WDR64: variants seen among roughly 807,000 people sequenced by gnomAD.
WDR64 encodes WD repeat domain 64.
In WDR64, 112 loss-of-function variants were observed where a neutral mutation model predicts 139.3. The ratio of observed to expected loss-of-function variants is 0.80; its 90% CI spans 0.69 to 0.94. The LOEUF (loss-of-function observed/expected upper bound fraction) is 0.94. Ranked by LOEUF, WDR64 falls within the 40% of genes least tolerant of loss-of-function variation. The probability of loss-of-function intolerance (pLI) is 0.00; values close to 1 mark genes in which losing one functional copy is unlikely to be tolerated. For synonymous variants in WDR64, 444 were observed against 437.7 expected (o/e 1.01, Z -0.18); for missense variants, 1,206 against 1,293.1 (o/e 0.93, Z 1.03).
In WDR64 at chr1:241,660,619, A is replaced by G. The variant is rs1445748543; in HGVS notation, c.235A>G (p.Lys79Glu). 1.3e-6 allele frequency: 2 copies of G among 1,551,550 alleles called. No homozygotes were observed. Among genetic ancestry groups the G allele is most frequent in the Non-Finnish European group, 1.7e-6 (2 of 1,146,852 alleles). The change falls in exon 2 of 28, where the codon AAA becomes GAA. Residue 79 changes from lysine to glutamate, a missense_variant. By Grantham distance (56) the Lys-to-Glu change is moderately conservative (BLOSUM62 1). Coordinates refer to ENST00000437684, the MANE Select transcript of WDR64 (RefSeq NM_001367482.1). ...TCAAGATGTGAAACGCTTTTACAGG[A>G]AACTGTGCAACAACACGGATGCATC... is the stretch of plus-strand genomic sequence containing the variant. ...KNQDVKRFYR[K>E]LCNNTDASAD...
At chr1:241,652,651 T>C (rs764249409) in intron 1 of WDR64, 22 bp downstream of exon 1, 6 of 1,550,982 alleles carry the variant, frequency 3.9e-6, no homozygotes, top group Non-Finnish European at 5.2e-6. Flanking sequence ...GATTACACGA[T>C]AGTCCAATTG....
chr1:241,705,434 C>A (rs1363702423), intron 8 of WDR64, among the ~76,000 whole-genome samples: 1 of 151,294 alleles, frequency 6.6e-6, no homozygotes, highest in Non-Finnish European at 1.5e-5. Flanking sequence ...CCCAGCTACT[C>A]GGGAGGCTGA....
chr1:241,680,697 C>A (rs1666750818), intron 6 of WDR64, among the ~76,000 whole-genome samples: 1 of 152,168 alleles, frequency 6.6e-6, no homozygotes, highest in African/African-American at 2.4e-5. Context: ...GAGGGATGCC[C>A]TAGCCCTTCT....
intron 9 of WDR64, among the ~76,000 whole-genome samples, chr1:241,715,512 A>G (rs1237126876): frequency 6.6e-6 from 1 of 152,214 alleles, no homozygotes; most frequent in Non-Finnish European, 1.5e-5. Context: ...AGCAGCAAAC[A>G]TGTTTGAGAA....
chr1:241,717,162 A>T (rs1020834494), intron 9 of WDR64, among the ~76,000 whole-genome samples: 13 of 152,214 alleles, frequency 8.5e-5, no homozygotes, highest in African/African-American at 2.9e-4. Flanking sequence ...CATTATTGGA[A>T]TTAGTCAGTT....
chr1:241,791,103 A>G (rs189971676), intron 25 of WDR64, among the ~76,000 whole-genome samples: 2 of 139,198 alleles, frequency 1.4e-5, no homozygotes, highest in East Asian at 4.3e-4. Flanking sequence ...CCTGATCAAC[A>G]TGGCGAAACT....
chr1:241,734,649 G>GA (rs899292028), intron 10 of WDR64, among the ~76,000 whole-genome samples: 1 of 151,514 alleles, frequency 6.6e-6, no homozygotes, highest in South Asian at 2.1e-4. Context: ...AAGACATTGG[G>GA]AAAAAAAAGA....
chr1:241,779,778 T>G (rs919636502), intron 21 of WDR64, among the ~76,000 whole-genome samples: 6 of 152,154 alleles, frequency 3.9e-5, no homozygotes, highest in African/African-American at 1.4e-4. Flanking sequence ...TGCAGTGAGC[T>G]GAGATCATGC....
At chr1:241,742,832 C>T (rs1485507569) in intron 12 of WDR64, among the ~76,000 whole-genome samples, 1 of 152,178 alleles carries the variant, frequency 6.6e-6, no homozygotes, top group African/African-American at 2.4e-5. Flanking sequence ...ACAGCATTTC[C>T]TAGAGGCCAG....
chr1:241,798,331 TAC>T (rs1485900627), intron 27 of WDR64, among the ~76,000 whole-genome samples: 5 of 152,234 alleles, frequency 3.3e-5, no homozygotes, highest in Non-Finnish European at 5.9e-5. Context: ...TCTTCTGGTT[TAC>T]TAAAAGAAAT....
intron 13 of WDR64, among the ~76,000 whole-genome samples, chr1:241,748,900 T>C (rs1483822151): frequency 6.8e-6 from 1 of 146,714 alleles, no homozygotes; most frequent in Non-Finnish European, 1.5e-5. Context: ...AGATCGCCAC[T>C]GCACTCCAGC....
At chr1:241,799,477 C>CA (rs1659464268) in intron 27 of WDR64, among the ~76,000 whole-genome samples, 1 of 151,738 alleles carries the variant, frequency 6.6e-6, no homozygotes. Context: ...CTAATGACAA[C>CA]AGCAAATCTT....
chr1:241,668,223 C>T (rs1406618385), intron 2 of WDR64, among the ~76,000 whole-genome samples: 1 of 152,130 alleles, frequency 6.6e-6, no homozygotes, highest in Non-Finnish European at 1.5e-5. Flanking sequence ...AGAAGACACC[C>T]TTTGAGCTGG....
rs115643592 is a variant in WDR64 at position 241,692,418 on chromosome 1, C to A, written c.974+4823C>A. Reference sequence around the variant, plus strand: ...TAAAGCTATAGTAATAAAGATAGTGCGGTATTGTAAAACAATGGAAAAAAT... The same window carrying A: ...TAAAGCTATAGTAATAAAGATAGTGAGGTATTGTAAAACAATGGAAAAAAT... On this transcript the variant is annotated intron_variant, in intron 8 of 27. Coordinates refer to ENST00000437684, the MANE Select transcript of WDR64 (RefSeq NM_001367482.1). Among the ~76,000 whole-genome samples, 983 of 152,190 alleles carry A rather than the reference C, an allele frequency of 6.5e-3. 10 individuals carry two copies. The highest frequency in any genetic ancestry group is 0.023 in the African/African-American group (937 of 41,514).
chr1:241,764,811 TGAAA>T (rs139455509), intron 15 of WDR64, among the ~76,000 whole-genome samples: 14 of 152,208 alleles, frequency 9.2e-5, no homozygotes, highest in African/African-American at 3.4e-4. Flanking sequence ...AGGAGGGCAC[TGAAA>T]GAAAGGAAGG....
chr1:241,727,117 C>G (rs1574046496), intron 10 of WDR64, among the ~76,000 whole-genome samples: 1 of 152,078 alleles, frequency 6.6e-6, no homozygotes, highest in Admixed American at 6.6e-5. Flanking sequence ...GAACTCCTGA[C>G]CTCAGGTTAT....
chr1:241,759,511 CTTTTTG>C (rs1156847593), intron 15 of WDR64, among the ~76,000 whole-genome samples: 1 of 152,030 alleles, frequency 6.6e-6, no homozygotes, highest in East Asian at 1.9e-4. Context: ...ACCTATAGTT[CTTTTTG>C]TTTTTAAGTT....
rs529696787 is a variant in WDR64, at chr1:241,772,915, G to T, written c.2414G>T (p.Arg805Leu). Residue 805 changes from arginine (R) to leucine (L), a missense_variant, in exon 20 of 28, where the codon CGC becomes CTC. Physicochemically the swap from Arg to Leu is moderately radical, Grantham distance 102. Transcript: ENST00000437684. ...LVTAHEDGHL[R>L]LWTLEGRLLK... is the part of the protein sequence containing the mutation. Reference sequence around the variant, plus strand: ...ACTGCTCATGAGGATGGACACCTCCGCTTGTGGACTCTGGAGGTAATGGAA... The same window carrying T: ...ACTGCTCATGAGGATGGACACCTCCTCTTGTGGACTCTGGAGGTAATGGAA... 1.9e-6 allele frequency: 3 copies of T among 1,550,962 alleles called. No homozygotes were observed.
At chr1:241,655,768 C>G (rs148092314) in intron 1 of WDR64, among the ~76,000 whole-genome samples, 112 of 151,424 alleles carry the variant, frequency 7.4e-4, no homozygotes, top group African/African-American at 2.6e-3. Context: ...CAAATGTCAC[C>G]TCTTTGTAAA....
Sources: gnomAD v4.1 joint callset for allele counts (sites outside exome capture counted in the v4.1 genomes callset) on GRCh38, gnomAD v4.1.1 for gene constraint, MANE v1.5 for transcripts, NCBI Gene and HGNC (gene_info 2026-07-23, HGNC 2026-07-21) for gene names.